The following ITPR2 variants were observed in gnomAD, a reference collection of about 807,000 sequenced individuals.
The protein encoded by ITPR2 is inositol 1,4,5-trisphosphate-gated calcium channel ITPR2.
In ITPR2, 207 loss-of-function variants were observed where a neutral mutation model predicts 317.1. The observed-to-expected ratio is 0.65, with a 90% CI of 0.58 to 0.73. The LOEUF (loss-of-function observed/expected upper bound fraction) is 0.73, where lower values mean the gene tolerates loss of function less well. ITPR2 is among the 30% of genes least tolerant of loss of function. ITPR2 has a pLI of 0.00. For synonymous variants in ITPR2, 1,156 were observed against 1,149.1 expected, an observed-to-expected ratio of 1.01 and a Z score of -0.12; for missense variants, 2,613 against 3,284.0, an observed-to-expected ratio of 0.80 and a Z score of 4.99.
chr12:26,656,983 T>C (rs528987104), intron 18 of ITPR2, among the ~76,000 whole-genome samples: 1 of 152,264 alleles, frequency 6.6e-6, no homozygotes, highest in South Asian at 2.1e-4. Flanking sequence ...TCAGTCCAAA[T>C]GGCATGAGTC....
chr12:26,832,717 G>A lies in ITPR2; in HGVS notation c.65C>T (p.Ser22Leu). The A allele has an allele frequency of 6.2e-7, 1 of 1,600,008 alleles. No individual in the cohort carries two copies. The highest frequency in any genetic ancestry group is 8.5e-7 in the Non-Finnish European group (1 of 1,174,154). ...CAAGGTGCTGATGAAGCCGTTGACC[G>A]AGCCCTCCGCGTACAGGGACACGAT... ...GDIVSLYAEG[S>L]VNGFISTLGL... The change falls in exon 1 of 57, where the codon TCG becomes TTG. Residue 22 changes from serine to leucine, a missense_variant. Physicochemically the swap from Ser to Leu is moderately radical, Grantham distance 145. Around this residue, in one of 9 missense-constraint regions of ITPR2, gnomAD observed 515 missense variants for 789.4 expected, o/e 0.65. Coordinates refer to ENST00000381340, the MANE Select transcript of ITPR2 (RefSeq NM_002223.4).
At chr12:26,511,248 AG>A (rs1943339025) in intron 37 of ITPR2, among the ~76,000 whole-genome samples, 1 of 152,176 alleles carries the variant, frequency 6.6e-6, no homozygotes, top group Non-Finnish European at 1.5e-5. Flanking sequence ...CACTGCTCCC[AG>A]GGCCTTTTCC....
intron 48 of ITPR2, among the ~76,000 whole-genome samples, chr12:26,432,516 T>C (rs548203862): frequency 1.3e-5 from 2 of 151,602 alleles, no homozygotes; most frequent in East Asian, 1.9e-4. Context: ...TAATTAAGTA[T>C]ACTGTGGGGA....
chr12:26,475,355 C>T lies in ITPR2; in HGVS notation c.6283G>A (p.Gly2095Arg), dbSNP rs763654391. Residue 2095 changes from glycine (G) to arginine (R), a missense_variant, in exon 45 of 57, where the codon GGA becomes AGA. By Grantham distance (125) the Gly-to-Arg change is moderately radical (BLOSUM62 -2). Transcript: ENST00000381340. ...LECDHGDDEG[G>R]DDGVSPKDVG... The stretch of plus-strand genomic sequence containing the variant: ...TCTTTTGGAGAAACACCATCATCTC[C>T]ACCCTCATCATCCCCATGGTCACAT... 6 of 1,613,718 alleles carry T rather than the reference C, an allele frequency of 3.7e-6. No individual in the cohort carries two copies. Among genetic ancestry groups the T allele is most frequent in the Non-Finnish European group, 5.1e-6 (6 of 1,179,762 alleles).
intron 30 of ITPR2, among the ~76,000 whole-genome samples, chr12:26,598,898 C>A (rs12825444): frequency 6.6e-6 from 1 of 151,866 alleles, no homozygotes; most frequent in Non-Finnish European, 1.5e-5. Flanking sequence ...AGGATTTTAC[C>A]CATTTTTTAA....
Position 26,711,261 on chromosome 12 carries a change from T to C in ITPR2, c.863A>G (p.His288Arg). The C allele has an allele frequency of 6.2e-7, 1 of 1,611,904 alleles. No individual in the cohort carries two copies. Among genetic ancestry groups the C allele is most frequent in the Non-Finnish European group, 8.5e-7 (1 of 1,177,970 alleles). The change falls in exon 9 of 57, where the codon CAT becomes CGT. Residue 288 changes from histidine (H) to arginine (R), a missense_variant. His to Arg is a conservative substitution (Grantham distance 29, BLOSUM62 0). Coordinates refer to ENST00000381340, the MANE Select transcript of ITPR2 (RefSeq NM_002223.4). ...TGCACCCCCACGGCATGGGTCATGA[T>C]GAACCACCTACAAAGAGAGCAACGA... ...SKALWEIEVV[H>R]HDPCRGGAGQ...
chr12:26,586,287 GGCATATAC>G (rs1306524543), intron 32 of ITPR2, among the ~76,000 whole-genome samples: 1 of 152,000 alleles, frequency 6.6e-6, no homozygotes, highest in Non-Finnish European at 1.5e-5. Context: ...TGGGACTACA[GGCATATAC>G]CACCATGCCG....
At chr12:26,355,898 G>A (rs1938623393) in intron 55 of ITPR2, among the ~76,000 whole-genome samples, 2 of 152,168 alleles carry the variant, frequency 1.3e-5, no homozygotes, top group Non-Finnish European at 2.9e-5. Context: ...AAGGTGATGT[G>A]CCAGGTTGCA....
chr12:26,439,093 C>T lies in ITPR2; in HGVS notation c.6643+34G>A, dbSNP rs372628356. On this transcript the variant is annotated intron_variant, in intron 47 of 56. Transcript: ENST00000381340. The stretch of plus-strand genomic sequence containing the variant: ...AAGTACCAAATTATCTACCACTATG[C>T]ACAAAACTAACCATTTCAGTTTACT... The T allele has an allele frequency of 1.7e-5, 23 of 1,391,280 alleles. No individual in the cohort carries two copies. The African/African-American group carries it at 2.4e-4, about 15-fold the overall frequency. 86.2% of individuals were successfully genotyped at this position (1,391,280 alleles called of 1,614,324 possible).
intron 37 of ITPR2, among the ~76,000 whole-genome samples, chr12:26,503,828 T>A (rs1262567063): frequency 6.6e-6 from 1 of 152,198 alleles, no homozygotes; most frequent in Non-Finnish European, 1.5e-5. Context: ...CATTAATAAG[T>A]TTCAATCTGG....
intron 1 of ITPR2, among the ~76,000 whole-genome samples, chr12:26,810,480 C>T (rs1950715946): frequency 6.6e-6 from 1 of 152,230 alleles, no homozygotes; most frequent in South Asian, 2.1e-4. Flanking sequence ...CATTCAGCCT[C>T]CCTTCCTTTC....
intron 48 of ITPR2, among the ~76,000 whole-genome samples, chr12:26,433,472 A>T (rs1439253758): frequency 6.6e-6 from 1 of 152,200 alleles, no homozygotes; most frequent in African/African-American, 2.4e-5. Context: ...TGTGATTTTT[A>T]AAAATTATAT....
At chr12:26,376,696 CT>C (rs923796822) in intron 55 of ITPR2, among the ~76,000 whole-genome samples, 3 of 149,668 alleles carry the variant, frequency 2.0e-5, no homozygotes, top group East Asian at 1.9e-4. Flanking sequence ...TCAATTCTTT[CT>C]TTTTTTTTCT....
Position 26,682,659 on chromosome 12 carries a change from C to T in ITPR2, c.1163G>A (p.Arg388Gln), listed in dbSNP as rs759416505. The part of the protein sequence containing the change: ...DCLVPRNSYV[R>Q]LRHLCTNTWV... ...TGTGTTGGTGCATAAATGCCTTAACCGAACATATGAGTTCCTAAAAGCAAA... is the reference window on the plus strand; with the variant it reads ...TGTGTTGGTGCATAAATGCCTTAACTGAACATATGAGTTCCTAAAAGCAAA... The change falls in exon 12 of 57, where the codon CGG (arginine) becomes CAG (glutamine). Residue 388 changes from arginine to glutamine, a missense_variant. Arg to Gln is a conservative substitution (Grantham distance 43). Coordinates refer to ENST00000381340, the MANE Select transcript of ITPR2 (RefSeq NM_002223.4). 3.7e-6 allele frequency: 6 copies of T among 1,610,132 alleles called. No individual in the cohort carries two copies. The highest frequency in any genetic ancestry group is 2.5e-6 in the Non-Finnish European group (3 of 1,177,400).
Position 26,337,143 on chromosome 12 carries a change from GATCTGC to G in ITPR2, c.*2248_*2253del, listed in dbSNP as rs566480190. 32 of 152,172 alleles carry G rather than the reference GATCTGC, an allele frequency of 2.1e-4. No individual in the cohort carries two copies. The highest frequency in any genetic ancestry group is 7.7e-4 in the African/African-American group (32 of 41,526). 9.4% of individuals were successfully genotyped at this position (152,172 alleles called of 1,614,324 possible). ...GGGAGAAAATATGCTGTGAAACAGT[GATCTGC>G]CACTACAAAGTGGTTGGGGACATTA... is the stretch of plus-strand genomic sequence containing the variant. On this transcript the variant is annotated 3_prime_UTR_variant, in exon 57 of 57. Transcript: ENST00000381340.
At chr12:26,448,002 T>A (rs1553361) in intron 45 of ITPR2, among the ~76,000 whole-genome samples, 91,699 of 147,470 alleles carry the variant, frequency 0.62, 30,386 homozygotes, top group East Asian at 0.76. Context: ...GACTTTTTTT[T>A]AAAAAAAAAA....
At chr12:26,653,900 C>G in intron 21 of ITPR2, 76 bp downstream of exon 21, 2 of 1,212,508 alleles carry the variant, frequency 1.6e-6, no homozygotes, top group Non-Finnish European at 2.4e-6. Flanking sequence ...AATAGCAACC[C>G]CTTCTCTGTA....
At chr12:26,427,552 T>G (rs1286722598) in intron 49 of ITPR2, among the ~76,000 whole-genome samples, 1 of 152,150 alleles carries the variant, frequency 6.6e-6, no homozygotes, top group Non-Finnish European at 1.5e-5. Flanking sequence ...TGAACATAAT[T>G]TAATCTTTTT....
rs892056915 is a variant in ITPR2 at position 26,486,237 on chromosome 12, C to A, written c.5678G>T (p.Cys1893Phe). The change falls in exon 41 of 57, where the codon TGC (cysteine) becomes TTC (phenylalanine). Residue 1893 changes from cysteine (C) to phenylalanine (F), a missense_variant. By Grantham distance (205) the Cys-to-Phe change is radical. Transcript: ENST00000381340. ...REMDPEIDIM[C>F]TGPEAGNTEE... ...AGTGTTTCCCGCTTCTGGTCCTGTGCACATAATGTCTATTTCTGGATCCAT... is the reference window on the plus strand; with the variant it reads ...AGTGTTTCCCGCTTCTGGTCCTGTGAACATAATGTCTATTTCTGGATCCAT... 2 of 1,614,124 alleles carry A rather than the reference C, an allele frequency of 1.2e-6. No individual in the cohort carries two copies. The highest frequency in any genetic ancestry group is 1.7e-6 in the Non-Finnish European group (2 of 1,180,022).
Sources: allele counts gnomAD v4.1 joint callset (sites outside exome capture counted in the v4.1 genomes callset), GRCh38; gene constraint gnomAD v4.1.1; regional missense constraint gnomAD v4.1.1; transcripts MANE v1.5; gene names NCBI Gene and HGNC (gene_info 2026-07-23, HGNC 2026-07-21).